The following RAPGEF4 variants were observed in gnomAD, a reference collection of about 807,000 sequenced individuals.
RAPGEF4 encodes Rap guanine nucleotide exchange factor 4.
RAPGEF4 carries 66 observed loss-of-function variants against 147.9 expected under a neutral mutation model. The ratio of observed to expected loss-of-function variants is 0.45; its 90% CI spans 0.37 to 0.55. The LOEUF (loss-of-function observed/expected upper bound fraction) is 0.55. Among genes scored for constraint, RAPGEF4 ranks in the 20% least tolerant of loss-of-function variants. The pLI is 0.00. For synonymous variants in RAPGEF4, 419 were observed against 442.7 expected (o/e 0.95, Z 0.67); for missense variants, 1,071 against 1,257.3 (o/e 0.85, Z 2.24).
intron 16 of RAPGEF4, among the ~76,000 whole-genome samples, chr2:173,000,750 CTT>C (rs1164657530): frequency 0.04 from 964 of 24,248 alleles, 15 homozygotes; most frequent in East Asian, 0.21. Context: ...TTCTTTCTTT[CTT>C]TTTTTTTTTT....
At chr2:172,855,430 C>A (rs1693304940) in intron 4 of RAPGEF4, among the ~76,000 whole-genome samples, 1 of 152,058 alleles carries the variant, frequency 6.6e-6, no homozygotes, top group Non-Finnish European at 1.5e-5. Flanking sequence ...TCAATGGTTG[C>A]CTGTAATACA....
intron 3 of RAPGEF4, among the ~76,000 whole-genome samples, chr2:172,799,323 T>C (rs1334827675): frequency 6.6e-6 from 1 of 152,078 alleles, no homozygotes; most frequent in Non-Finnish European, 1.5e-5. Flanking sequence ...GTATTGTATC[T>C]AGAAATTAGA....
chr2:172,871,758 T>TA (rs569933856), intron 4 of RAPGEF4, among the ~76,000 whole-genome samples: 21 of 148,722 alleles, frequency 1.4e-4, no homozygotes, highest in African/African-American at 3.2e-4. Flanking sequence ...TCCTTCAGAT[T>TA]AAAAAAAAAA....
At chr2:172,843,165 T>C (rs991153167) in intron 4 of RAPGEF4, among the ~76,000 whole-genome samples, 1 of 152,090 alleles carries the variant, frequency 6.6e-6, no homozygotes, top group Non-Finnish European at 1.5e-5. Context: ...AGATAAGGCC[T>C]TGCATGGAGT....
intron 4 of RAPGEF4, among the ~76,000 whole-genome samples, chr2:172,917,215 A>G (rs912426868): frequency 6.6e-6 from 1 of 152,350 alleles, no homozygotes; most frequent in African/African-American, 2.4e-5. Context: ...GGGGAATCCA[A>G]ATAGTTCTAA....
rs368717943 is a variant in RAPGEF4, at chr2:172,889,525, A to G, written c.445-28277A>G. 9.2e-5 allele frequency among the ~76,000 whole-genome samples: 14 copies of G among 152,278 alleles called. No homozygotes were observed. In the East Asian group the frequency reaches 2.3e-3, roughly 25 times the overall value. ...CCAAATAACAAATGCCTCTTCTCCC[A>G]CAGAGGTCATTTCTTCTAGTAATTC... On this transcript the variant is annotated intron_variant, in intron 4 of 30. Coordinates refer to ENST00000397081, the MANE Select transcript of RAPGEF4 (RefSeq NM_007023.4).
Position 172,997,645 on chromosome 2 carries a change from G to A in RAPGEF4, c.1579+1091G>A, listed in dbSNP as rs1229786356. On this transcript the variant is annotated intron_variant, in intron 16 of 30. Coordinates refer to ENST00000397081, the MANE Select transcript of RAPGEF4 (RefSeq NM_007023.4). ...CTTTGCAACAGCCCACACGCAACGT[G>A]TTTTTTTTTTAATCCTATGCTACTG... Among the ~76,000 whole-genome samples the A allele has an allele frequency of 4.0e-5, 6 of 148,690 alleles. No homozygotes were observed. The South Asian group carries it at 1.1e-3, about 27-fold the overall frequency.
At chr2:172,824,772 G>T (rs933239412) in intron 4 of RAPGEF4, among the ~76,000 whole-genome samples, 1 of 152,180 alleles carries the variant, frequency 6.6e-6, no homozygotes, top group Non-Finnish European at 1.5e-5. Context: ...TTCACTGTAT[G>T]CCTATGAGAG....
At chr2:172,983,831 T>G (rs1440739977) in intron 11 of RAPGEF4, among the ~76,000 whole-genome samples, 1 of 152,166 alleles carries the variant, frequency 6.6e-6, no homozygotes, top group Non-Finnish European at 1.5e-5. Context: ...TGAGTAGGGT[T>G]GGAACATGGG....
At chr2:172,764,541 T>C (rs1696649287) in intron 1 of RAPGEF4, among the ~76,000 whole-genome samples, 1 of 152,176 alleles carries the variant, frequency 6.6e-6, no homozygotes, top group Non-Finnish European at 1.5e-5. Flanking sequence ...GGGTGGAAGA[T>C]GTGATCTCAC....
At chr2:173,015,934 C>G (rs1695472711) in intron 18 of RAPGEF4, among the ~76,000 whole-genome samples, 1 of 152,136 alleles carries the variant, frequency 6.6e-6, no homozygotes, top group Non-Finnish European at 1.5e-5. Flanking sequence ...AAAAAAAGCA[C>G]TCTTTTGTGG....
chr2:172,848,004 G>GA, intron 4 of RAPGEF4, among the ~76,000 whole-genome samples: 1 of 152,226 alleles, frequency 6.6e-6, no homozygotes, highest in East Asian at 1.9e-4. Context: ...ACTCCTTACA[G>GA]AAGGACTCTT....
At chr2:172,895,954 A>G (rs1402639512) in intron 4 of RAPGEF4, among the ~76,000 whole-genome samples, 1 of 152,230 alleles carries the variant, frequency 6.6e-6, no homozygotes, top group Non-Finnish European at 1.5e-5. Flanking sequence ...CTCTTCCATA[A>G]CAGCTTTATT....
At chr2:172,883,213 C>T (rs1696814204) in intron 4 of RAPGEF4, among the ~76,000 whole-genome samples, 1 of 152,164 alleles carries the variant, frequency 6.6e-6, no homozygotes, top group East Asian at 1.9e-4. Context: ...AGAGATTTCT[C>T]TCTTACAGTT....
chr2:172,793,178 C>T (rs531177223), intron 1 of RAPGEF4, among the ~76,000 whole-genome samples: 8 of 152,268 alleles, frequency 5.3e-5, no homozygotes, highest in Admixed American at 6.5e-5. Context: ...GCTGTTTTCC[C>T]GGTGTCTCTC....
intron 10 of RAPGEF4, among the ~76,000 whole-genome samples, chr2:172,975,144 C>T (rs73015695): frequency 6.4e-4 from 98 of 152,196 alleles, no homozygotes; most frequent in African/African-American, 2.1e-3. Context: ...TTGCCAAATC[C>T]GGCACCCAAC....
intron 7 of RAPGEF4, 52 bp from the exon 8 acceptor site, chr2:172,961,070 C>T: frequency 7.4e-7 from 1 of 1,344,040 alleles, no homozygotes; most frequent in Non-Finnish European, 1.1e-6. Flanking sequence ...GTTTGTTTTC[C>T]TTCTATAAAC....
At chr2:172,948,549 C>T (rs1408166204) in intron 6 of RAPGEF4, among the ~76,000 whole-genome samples, 1 of 152,078 alleles carries the variant, frequency 6.6e-6, no homozygotes, top group Non-Finnish European at 1.5e-5. Context: ...TTTTCTAGAA[C>T]TTCCTTGATC....
At chr2:172,917,947 A>G in intron 5 of RAPGEF4, 73 bp downstream of exon 5, 2 of 1,253,516 alleles carry the variant, frequency 1.6e-6, no homozygotes, top group South Asian at 1.2e-5. Context: ...GACAAAAAAT[A>G]TGTCCTACAC....
Sources: allele counts gnomAD v4.1 joint callset (sites outside exome capture counted in the v4.1 genomes callset), GRCh38; gene constraint gnomAD v4.1.1; transcripts MANE v1.5; gene names NCBI Gene and HGNC (gene_info 2026-07-23, HGNC 2026-07-21).